The following GCNT1 variants were observed in gnomAD, a reference collection of about 807,000 sequenced individuals.
GCNT1 encodes beta-1,3-galactosyl-O-glycosyl-glycoprotein beta-1,6-N-acetylglucosaminyltransferase.
GCNT1 carries 16 observed loss-of-function variants against 26.2 expected under a neutral mutation model. The observed-to-expected ratio is 0.61, with a 90% CI of 0.41 to 0.93. The LOEUF (loss-of-function observed/expected upper bound fraction) is 0.93, where lower values mean the gene tolerates loss of function less well. Among genes scored for constraint, GCNT1 ranks in the 40% least tolerant of loss-of-function variants. The pLI, the probability that GCNT1 is intolerant of heterozygous loss-of-function variation, is 0.00. For synonymous variants in GCNT1, 183 were observed against 190.8 expected, an observed-to-expected ratio of 0.96 and a Z score of 0.34; for missense variants, 477 against 526.7, an observed-to-expected ratio of 0.91 and a Z score of 0.92.
At chr9:76,488,548 A>G (rs1286272725) in intron 2 of GCNT1, among the ~76,000 whole-genome samples, 2 of 152,170 alleles carry the variant, frequency 1.3e-5, no homozygotes, top group Non-Finnish European at 2.9e-5. Flanking sequence ...GCAATGGCAC[A>G]GTCTCCGCTC....
chr9:76,499,914 G>A (rs1478882641), intron 2 of GCNT1, among the ~76,000 whole-genome samples: 1 of 151,898 alleles, frequency 6.6e-6, no homozygotes, highest in African/African-American at 2.4e-5. Context: ...CATTCTTTGT[G>A]TTGTACATTC....
intron 2 of GCNT1, among the ~76,000 whole-genome samples, chr9:76,477,967 G>A (rs776051853): frequency 3.0e-4 from 46 of 152,298 alleles, no homozygotes; most frequent in Admixed American, 7.8e-4. Context: ...GCACCGATCA[G>A]CGCTCTGTGT....
At chr9:76,493,300 C>A (rs1188719039) in intron 2 of GCNT1, among the ~76,000 whole-genome samples, 1 of 152,166 alleles carries the variant, frequency 6.6e-6, no homozygotes, top group East Asian at 1.9e-4. Context: ...GTCATTCTAT[C>A]ATTTACTTGA....
chr9:76,447,166 A>G (rs1823590918), intron 1 of GCNT1, among the ~76,000 whole-genome samples: 1 of 150,370 alleles, frequency 6.7e-6, no homozygotes, highest in African/African-American at 2.4e-5. Flanking sequence ...AAAAAAAAAA[A>G]AAAAAAAAAA....
intron 2 of GCNT1, among the ~76,000 whole-genome samples, chr9:76,478,473 G>T (rs547983388): frequency 5.1e-4 from 77 of 152,256 alleles, no homozygotes; most frequent in African/African-American, 1.8e-3. Flanking sequence ...ACAAACTCCA[G>T]ATGCATCATC....
the GCNT1 span, among the ~76,000 whole-genome samples, chr9:76,410,715 G>T: frequency 1.8e-4 from 28 of 152,326 alleles, 1 homozygote; most frequent in Middle Eastern, 3.4e-3. Context: ...TTCTGCTGTT[G>T]TTGGGTAAAG....
intron 3 of GCNT1, among the ~76,000 whole-genome samples, chr9:76,501,297 C>T (rs1265652160): frequency 6.6e-6 from 1 of 152,162 alleles, no homozygotes; most frequent in Non-Finnish European, 1.5e-5. Flanking sequence ...GCTGTAGAAC[C>T]AATTGCCAAG....
the GCNT1 span, among the ~76,000 whole-genome samples, chr9:76,406,323 T>G: frequency 1.3e-5 from 2 of 151,144 alleles, no homozygotes; most frequent in Non-Finnish European, 3.0e-5. Flanking sequence ...GTGAGACCCT[T>G]TATCTACAAA....
At chr9:76,494,191 G>T (rs769590997) in intron 2 of GCNT1, among the ~76,000 whole-genome samples, 39 of 152,246 alleles carry the variant, frequency 2.6e-4, no homozygotes, top group African/African-American at 9.4e-4. Context: ...ACCGAGGAAG[G>T]TCAGATTTAG....
upstream of GCNT1, among the ~76,000 whole-genome samples, chr9:76,454,404 A>C (rs1376987612): frequency 6.6e-6 from 1 of 150,428 alleles, no homozygotes; most frequent in South Asian, 2.1e-4. Flanking sequence ...AAAAAAAAAA[A>C]AAAAAAAAAA....
chr9:76,394,555 C>A, the GCNT1 span: 1 of 170,642 alleles, frequency 5.9e-6, no homozygotes, highest in South Asian at 1.5e-4. Flanking sequence ...CCCGCCCCAT[C>A]ATGGCCCCGC....
At chr9:76,439,223 CTT>C (rs71499153), upstream of GCNT1, among the ~76,000 whole-genome samples, 59 of 120,100 alleles carry the variant, frequency 4.9e-4, no homozygotes, top group African/African-American at 1.6e-3. Context: ...TTTTCTTTTT[CTT>C]TTTTTTTTTT....
At chr9:76,428,287 AAACTT>A (rs1224700530) in intron 1 of GCNT1, among the ~76,000 whole-genome samples, 49 of 141,294 alleles carry the variant, frequency 3.5e-4, no homozygotes, top group Admixed American at 6.3e-4. Context: ...AAAAAAAAAA[AAACTT>A]AAAAAAAAAA....
intron 1 of GCNT1, among the ~76,000 whole-genome samples, chr9:76,428,265 CAAAAA>C (rs869195487): frequency 2.0e-4 from 6 of 29,768 alleles, no homozygotes; most frequent in African/African-American, 3.0e-4. Flanking sequence ...GACTCCGTCT[CAAAAA>C]AAAAAAAAAA....
intron 1 of GCNT1, among the ~76,000 whole-genome samples, chr9:76,428,991 C>T (rs143793263): frequency 0.065 from 9,950 of 152,170 alleles, 368 homozygotes; most frequent in Middle Eastern, 0.11. Flanking sequence ...TGAGCCACCA[C>T]GCCAGGCCTC....
chr9:76,405,613 CCA>C, the GCNT1 span, among the ~76,000 whole-genome samples: 11 of 152,186 alleles, frequency 7.2e-5, no homozygotes, highest in African/African-American at 1.2e-4. Context: ...TTTGCCTTTT[CCA>C]CAGTGACACA....
intron 2 of GCNT1, among the ~76,000 whole-genome samples, chr9:76,463,490 G>T (rs753171665): frequency 3.3e-5 from 5 of 152,174 alleles, no homozygotes; most frequent in Admixed American, 6.6e-5. Flanking sequence ...TTGTTCTTCT[G>T]TTTCCAATGA....
chr9:76,397,444 ATTT>A, the GCNT1 span, among the ~76,000 whole-genome samples: 11 of 138,374 alleles, frequency 7.9e-5, no homozygotes, highest in Admixed American at 1.5e-4. Context: ...AGAAGAAAGA[ATTT>A]TTTTTTTTTT....
Position 76,502,369 on chromosome 9 carries a change from A to C in GCNT1, c.-13A>C, listed in dbSNP as rs770622923. The C allele has an allele frequency of 6.3e-7, 1 of 1,590,088 alleles. No individual in the cohort carries two copies. Among genetic ancestry groups the C allele is most frequent in the Non-Finnish European group, 8.6e-7 (1 of 1,160,790 alleles). ...CTGCCCTTCACAAAGGAAATCCCTG[A>C]TTATTGTTTGAAATGCTGAGGACGT... On this transcript the variant is annotated 5_prime_UTR_variant, in exon 4 of 4. Transcript: ENST00000376730.
Sources: gnomAD v4.1 joint callset for allele counts (sites outside exome capture counted in the v4.1 genomes callset) on GRCh38, gnomAD v4.1.1 for gene constraint, MANE v1.5 for transcripts, NCBI Gene and HGNC (gene_info 2026-07-23, HGNC 2026-07-21) for gene names.